The following ASTN2 variants were observed in gnomAD, a reference collection of about 807,000 sequenced individuals.
The protein encoded by ASTN2 is astrotactin 2, also known as astrotactin-2.
A neutral mutation model predicts 139.8 loss-of-function variants in ASTN2; 54 were observed. That is an observed-to-expected ratio of 0.39 (90% CI 0.31 to 0.48). The LOEUF (loss-of-function observed/expected upper bound fraction) is 0.48. ASTN2 is among the 20% of genes least tolerant of loss of function. The pLI is 0.95. For missense variants in ASTN2, 1,565 were observed against 1,725.1 expected (o/e 0.91, Z 1.64); for synonymous variants, 756 against 719.5 (o/e 1.05, Z -0.81).
Position 116,766,545 on chromosome 9 carries a change from A to T in ASTN2, c.2397-33022T>A, listed in dbSNP as rs544477653. Among the ~76,000 whole-genome samples, 3 of 152,050 alleles carry T rather than the reference A, an allele frequency of 2.0e-5. No homozygotes were observed. The South Asian group carries it at 6.2e-4, about 32-fold the overall frequency. On this transcript the variant is annotated intron_variant, in intron 13 of 22. Transcript: ENST00000313400. ...TGCACACACACTCACATACACAAACACATGCATTCATACTAATCACATGCA... is the reference window on the plus strand; with the variant it reads ...TGCACACACACTCACATACACAAACTCATGCATTCATACTAATCACATGCA...
intron 1 of ASTN2, among the ~76,000 whole-genome samples, chr9:117,355,734 G>A (rs1829522476): frequency 1.3e-5 from 2 of 152,178 alleles, no homozygotes; most frequent in African/African-American, 4.8e-5. Context: ...TGATGCCAGA[G>A]TCTGTCGGCA....
At chr9:116,728,336 G>A (rs1364737265) in intron 15 of ASTN2, among the ~76,000 whole-genome samples, 2 of 152,008 alleles carry the variant, frequency 1.3e-5, no homozygotes, top group Non-Finnish European at 2.9e-5. Flanking sequence ...GTTTTGAGGG[G>A]AATGGAGAAC....
chr9:116,713,486 G>T (rs1366045154), intron 16 of ASTN2, among the ~76,000 whole-genome samples: 2 of 152,116 alleles, frequency 1.3e-5, no homozygotes, highest in Non-Finnish European at 2.9e-5. Context: ...GGAAACAAGG[G>T]TCTAGAGCCT....
At chr9:116,565,377 CTCTCTCTCTCCATATATA>C (rs1236760747) in intron 19 of ASTN2, among the ~76,000 whole-genome samples, 20 of 33,150 alleles carry the variant, frequency 6.0e-4, no homozygotes, top group African/African-American at 1.9e-3. Context: ...CTCTCTCTCT[CTCTCTCTCTCCATATATA>C]TATATATATA....
chr9:116,813,447 G>A (rs186744213), intron 12 of ASTN2, among the ~76,000 whole-genome samples: 2 of 152,274 alleles, frequency 1.3e-5, no homozygotes, highest in Admixed American at 1.3e-4. Context: ...AAGGTCACAT[G>A]AGCATTTTGG....
intron 16 of ASTN2, among the ~76,000 whole-genome samples, chr9:116,675,174 A>T (rs1174706618): frequency 6.6e-6 from 1 of 152,030 alleles, no homozygotes; most frequent in Non-Finnish European, 1.5e-5. Flanking sequence ...TGACTCTGGT[A>T]CTCTATTGGT....
At chr9:116,559,748 T>C (rs756672456) in intron 19 of ASTN2, among the ~76,000 whole-genome samples, 1 of 152,184 alleles carries the variant, frequency 6.6e-6, no homozygotes, top group Non-Finnish European at 1.5e-5. Context: ...AAGGAACTTG[T>C]CCAAAGTTAC....
intron 16 of ASTN2, among the ~76,000 whole-genome samples, chr9:116,712,023 C>T (rs914771572): frequency 1.3e-5 from 2 of 152,162 alleles, no homozygotes; most frequent in Non-Finnish European, 2.9e-5. Context: ...TTTAAGTGCT[C>T]CTAGCAAAGG....
chr9:116,441,292 C>T lies in ASTN2; in HGVS notation c.3599-500G>A, dbSNP rs192921944. The stretch of plus-strand genomic sequence containing the variant: ...TGCTTGTTGTTCATGGCTATTCCTA[C>T]TGCTTCAGTTAGTCCTACTAATCAA... On this transcript the variant is annotated intron_variant, in intron 21 of 22. Transcript: ENST00000313400. Among the ~76,000 whole-genome samples the T allele has an allele frequency of 1.3e-3, 200 of 152,036 alleles. 1 individual carries two copies. The highest frequency in any genetic ancestry group is 7.3e-3 in the South Asian group (35 of 4,816).
chr9:117,074,601 G>A (rs1209341149), intron 5 of ASTN2, among the ~76,000 whole-genome samples: 2 of 152,150 alleles, frequency 1.3e-5, no homozygotes, highest in Non-Finnish European at 2.9e-5. Context: ...CAGCAGGCAG[G>A]ATGCGCTGTC....
intron 2 of ASTN2, among the ~76,000 whole-genome samples, chr9:117,271,229 C>A (rs1472211933): frequency 1.3e-5 from 2 of 152,108 alleles, no homozygotes; most frequent in African/African-American, 4.8e-5. Flanking sequence ...TACGTGGTGG[C>A]AGCAAGAGAA....
At chr9:117,325,526 C>G (rs535048429) in intron 1 of ASTN2, among the ~76,000 whole-genome samples, 2 of 152,302 alleles carry the variant, frequency 1.3e-5, no homozygotes, top group African/African-American at 2.4e-5. Flanking sequence ...AATTTGGAAT[C>G]TCCTTTTCCC....
intron 13 of ASTN2, among the ~76,000 whole-genome samples, chr9:116,802,683 T>A (rs952289888): frequency 1.2e-4 from 18 of 152,168 alleles, no homozygotes; most frequent in Non-Finnish European, 1.9e-4. Context: ...TGAAACTCCA[T>A]AAAACATACA....
chr9:116,603,846 G>A (rs1855043247), intron 19 of ASTN2, among the ~76,000 whole-genome samples: 1 of 152,190 alleles, frequency 6.6e-6, no homozygotes, highest in African/African-American at 2.4e-5. Flanking sequence ...GGCAACAGAT[G>A]GTGACAGGGA....
intron 10 of ASTN2, among the ~76,000 whole-genome samples, chr9:116,962,237 G>A (rs982929445): frequency 2.0e-5 from 3 of 152,130 alleles, no homozygotes; most frequent in African/African-American, 4.8e-5. Flanking sequence ...TCCCAGCATG[G>A]GCATCCTATC....
chr9:116,479,499 G>C (rs1210055939), intron 20 of ASTN2, among the ~76,000 whole-genome samples: 1 of 152,124 alleles, frequency 6.6e-6, no homozygotes, highest in Non-Finnish European at 1.5e-5. Flanking sequence ...GAATAGGATT[G>C]TTGGGCCAGG....
chr9:116,611,104 G>A (rs533864375), intron 19 of ASTN2: 11 of 151,834 alleles, frequency 7.2e-5, no homozygotes, highest in African/African-American at 1.7e-4. Flanking sequence ...TGACTATAGC[G>A]GAATCAAAAA....
intron 3 of ASTN2, among the ~76,000 whole-genome samples, chr9:117,199,707 A>C (rs903205608): frequency 2.6e-5 from 4 of 152,044 alleles, no homozygotes; most frequent in African/African-American, 7.2e-5. Flanking sequence ...TGAAGCTATA[A>C]ATTACTTTTG....
chr9:117,319,518 G>A (rs955959989), intron 1 of ASTN2, among the ~76,000 whole-genome samples: 7 of 151,834 alleles, frequency 4.6e-5, no homozygotes, highest in Admixed American at 2.0e-4. Flanking sequence ...AACCTCCACC[G>A]CCCAGTTCAG....
Sources: gnomAD v4.1 joint callset for allele counts (sites outside exome capture counted in the v4.1 genomes callset) on GRCh38, gnomAD v4.1.1 for gene constraint, MANE v1.5 for transcripts, NCBI Gene and HGNC (gene_info 2026-07-23, HGNC 2026-07-21) for gene names.